KIAA1549L: variants seen among roughly 807,000 people sequenced by gnomAD.
The protein encoded by KIAA1549L is KIAA1549 like.
Under a neutral mutation model 160.7 loss-of-function variants are expected in KIAA1549L, and 88 were observed. The observed-to-expected ratio is 0.55, with a 90% CI of 0.46 to 0.65. The LOEUF is 0.65. Among genes scored for constraint, KIAA1549L ranks in the 30% least tolerant of loss-of-function variants. KIAA1549L has a pLI of 0.00. For missense variants in KIAA1549L, 2,258 were observed against 2,437.5 expected (o/e 0.93, Z 1.55); for synonymous variants, 950 against 976.7 (o/e 0.97, Z 0.51).
chr11:33,465,412 C>G (rs1590265458), intron 1 of KIAA1549L, among the ~76,000 whole-genome samples: 1 of 152,086 alleles, frequency 6.6e-6, no homozygotes, highest in Non-Finnish European at 1.5e-5. Context: ...TTCTCTGACC[C>G]CAGAGCCTTG....
At chr11:33,443,168 A>C (rs1851543576) in intron 1 of KIAA1549L, among the ~76,000 whole-genome samples, 1 of 151,616 alleles carries the variant, frequency 6.6e-6, no homozygotes, top group African/African-American at 2.4e-5. Context: ...TGATTCGTTT[A>C]CTCTTATTTT....
At chr11:33,467,605 C>T (rs181793073) in intron 1 of KIAA1549L, among the ~76,000 whole-genome samples, 3 of 152,300 alleles carry the variant, frequency 2.0e-5, no homozygotes, top group African/African-American at 7.2e-5. Flanking sequence ...GGCAGAATCC[C>T]AAACACCAGA....
intron 11 of KIAA1549L, 133 bp downstream of exon 11, chr11:33,583,634 T>A: frequency 1.3e-6 from 1 of 798,676 alleles, no homozygotes. Context: ...TTGAAGGAGA[T>A]CCTTCCTTTT....
intron 1 of KIAA1549L, among the ~76,000 whole-genome samples, chr11:33,506,826 G>A (rs1054296931): frequency 5.3e-5 from 8 of 152,078 alleles, no homozygotes; most frequent in African/African-American, 1.7e-4. Context: ...TTGATATTTG[G>A]GTTCTACTTT....
At chr11:33,456,438 TCTCA>T (rs1851822507) in intron 1 of KIAA1549L, among the ~76,000 whole-genome samples, 1 of 152,052 alleles carries the variant, frequency 6.6e-6, no homozygotes, top group African/African-American at 2.4e-5. Flanking sequence ...TGAGACAGGG[TCTCA>T]CTCTATCACC....
At chr11:33,472,815 A>C (rs1852207974) in intron 1 of KIAA1549L, among the ~76,000 whole-genome samples, 1 of 152,202 alleles carries the variant, frequency 6.6e-6, no homozygotes, top group Admixed American at 6.5e-5. Flanking sequence ...AAGTAAAATC[A>C]GTACTTTGGA....
chr11:33,438,047 A>G (rs890643323), intron 1 of KIAA1549L, among the ~76,000 whole-genome samples: 1 of 151,844 alleles, frequency 6.6e-6, no homozygotes, highest in South Asian at 2.1e-4. Context: ...GTTTTTCCCA[A>G]CCGTTGGTGT....
At chr11:33,610,893 C>T (rs1313066843) in intron 15 of KIAA1549L, among the ~76,000 whole-genome samples, 1 of 152,226 alleles carries the variant, frequency 6.6e-6, no homozygotes, top group Non-Finnish European at 1.5e-5. Flanking sequence ...TGCATCATCC[C>T]ATGGCAGAAG....
intron 11 of KIAA1549L, among the ~76,000 whole-genome samples, chr11:33,585,382 G>A (rs1473758772): frequency 6.6e-6 from 1 of 152,138 alleles, no homozygotes; most frequent in Non-Finnish European, 1.5e-5. Context: ...GCTGGGTGTG[G>A]TGGCGCACAC....
rs1465610115 is a variant in KIAA1549L, at chr11:33,641,588, A to G, written c.5410-4098A>G. On this transcript the variant is annotated intron_variant, in intron 16 of 20. Transcript: ENST00000658780. ...AATGGATCTGTATATATATATATAT[A>G]TATATATATATATATATATATATAT... is the stretch of plus-strand genomic sequence containing the variant. Among the ~76,000 whole-genome samples, 4 of 4,832 alleles carry G rather than the reference A, an allele frequency of 8.3e-4. No individual in the cohort carries two copies. The African/African-American group carries it at 0.011, about 13-fold the overall frequency. The allele number at this position is 4,832 out of a possible 152,430, so 3.2% of individuals were successfully genotyped here.
intron 1 of KIAA1549L, among the ~76,000 whole-genome samples, chr11:33,536,559 G>T (rs1853898158): frequency 6.6e-6 from 1 of 152,166 alleles, no homozygotes; most frequent in Non-Finnish European, 1.5e-5. Context: ...AGCTAAAGTG[G>T]CTTGGCCTTT....
At chr11:33,656,946 T>TTGCCCC (rs1027758768) in intron 18 of KIAA1549L, among the ~76,000 whole-genome samples, 1 of 152,174 alleles carries the variant, frequency 6.6e-6, no homozygotes, top group African/African-American at 2.4e-5. Context: ...GCAGTTGGCC[T>TTGCCCC]TGCCCCTCCA....
At position 33,659,861 on chromosome 11, in the gene KIAA1549L, C is replaced by T. The variant is rs537635021; in HGVS notation, c.6007+963C>T. On this transcript the variant is annotated intron_variant, in intron 19 of 20. Transcript: ENST00000658780. ...AGGTCTGAGTCCCAGCAGATGATGC[C>T]CTTTCATTCTGACTGCGAGGGTGAG... Among the ~76,000 whole-genome samples, 124 of 152,312 alleles carry T rather than the reference C, an allele frequency of 8.1e-4. 1 individual carries two copies. Among genetic ancestry groups the T allele is most frequent in the Middle Eastern group, 3.4e-3 (1 of 294 alleles).
intron 16 of KIAA1549L, among the ~76,000 whole-genome samples, chr11:33,636,349 C>CTTTTT (rs71034697): frequency 3.9e-4 from 53 of 136,134 alleles, no homozygotes; most frequent in African/African-American, 1.3e-3. Context: ...AATGAATCTT[C>CTTTTT]TTTTTTTTTT....
intron 12 of KIAA1549L, 147 bp from the exon 13 acceptor site, chr11:33,598,673 T>C (rs1850273949): frequency 9.7e-7 from 1 of 1,025,658 alleles, no homozygotes; most frequent in Admixed American, 2.9e-5. Flanking sequence ...GTGGTTTTGT[T>C]TTTTTCTTTT....
At chr11:33,454,498 G>A (rs187500344) in intron 1 of KIAA1549L, among the ~76,000 whole-genome samples, 144 of 152,276 alleles carry the variant, frequency 9.5e-4, no homozygotes, top group Non-Finnish European at 1.7e-3. Flanking sequence ...ACTGAGCTCA[G>A]TGACCCTGAG....
chr11:33,605,120 T>A (rs1173824958), intron 13 of KIAA1549L, among the ~76,000 whole-genome samples: 1 of 152,138 alleles, frequency 6.6e-6, no homozygotes, highest in African/African-American at 2.4e-5. Flanking sequence ...GAGTAAGTGA[T>A]CCGAGAGAGA....
intron 16 of KIAA1549L, among the ~76,000 whole-genome samples, chr11:33,632,213 T>C (rs1851314019): frequency 6.6e-6 from 1 of 152,254 alleles, no homozygotes; most frequent in African/African-American, 2.4e-5. Flanking sequence ...TACACAGGTC[T>C]GTGTTCCCTT....
intron 1 of KIAA1549L, chr11:33,403,382 TA>T (rs1850572091): frequency 5.6e-4 from 2 of 3,544 alleles, no homozygotes; most frequent in East Asian, 0.013. Flanking sequence ...GACAGACACA[TA>T]CAGGGACACA....
Sources: allele counts gnomAD v4.1 joint callset (sites outside exome capture counted in the v4.1 genomes callset), GRCh38; gene constraint gnomAD v4.1.1; transcripts MANE v1.5; gene names NCBI Gene and HGNC (gene_info 2026-07-23, HGNC 2026-07-21).